The following OR13A1 variants were observed in gnomAD, a reference collection of about 807,000 sequenced individuals.
The protein encoded by OR13A1 is olfactory receptor family 13 subfamily A member 1, also known as olfactory receptor 13A1.
In OR13A1, 10 loss-of-function variants were observed where a neutral mutation model predicts 7.5. The observed-to-expected ratio is 1.34, with a 90% CI of 0.83 to 2.27. OR13A1 has a LOEUF of 2.27. Ranked by LOEUF, OR13A1 falls within the 30% of genes most tolerant of loss-of-function variation. The pLI is 0.00. For missense variants in OR13A1, 509 were observed against 419.1 expected (o/e 1.21, Z -1.87); for synonymous variants, 238 against 177.9 (o/e 1.34, Z -2.69).
At chr10:45,307,359 C>A (rs1838353135) in intron 3 of OR13A1, 67 bp downstream of exon 3, 1 of 152,216 alleles carries the variant, frequency 6.6e-6, no homozygotes, top group Admixed American at 6.5e-5. Context: ...TGAACAGGTG[C>A]TGAGCACAAG....
At position 45,303,199 on chromosome 10, in the gene OR13A1, G is replaced by A. The variant is rs1838242750; in HGVS notation, c.*237C>T. 1 of 506,926 alleles carries A rather than the reference G, an allele frequency of 2.0e-6. No individual in the cohort carries two copies. Among genetic ancestry groups the A allele is most frequent in the Non-Finnish European group, 3.5e-6 (1 of 288,540 alleles). The allele number at this position is 506,926 out of a possible 1,614,324, so 31.4% of individuals were successfully genotyped here. On this transcript the variant is annotated 3_prime_UTR_variant, in exon 4 of 4. Transcript: ENST00000553795. ...GGCCCTGTGTTTCTCTGCCAACTCA[G>A]CACTGACACCACCTTGGAGTCAGAC... is the stretch of plus-strand genomic sequence containing the variant.
intron 3 of OR13A1, 58 bp from the exon 4 acceptor site, chr10:45,304,492 C>T (rs1838288584): frequency 3.6e-6 from 5 of 1,390,420 alleles, no homozygotes; most frequent in South Asian, 1.3e-5. Flanking sequence ...TCTTCCACAC[C>T]TCACATCACT....
At position 45,304,386 on chromosome 10, in the gene OR13A1, C is replaced by T; in HGVS notation, c.37G>A (p.Glu13Lys). The change falls in exon 4 of 4, where the codon GAA becomes AAA. Residue 13 changes from glutamate (E) to lysine (K), a missense_variant. By Grantham distance (56) the Glu-to-Lys change is moderately conservative (BLOSUM62 1). Coordinates refer to ENST00000553795, the MANE Select transcript of OR13A1 (RefSeq NM_001004297.3). ...LWMESHLIVPETRPSPRMMSN... is the reference protein window; with the variant it reads ...LWMESHLIVPKTRPSPRMMSN... Reference sequence around the variant, plus strand: ...ATCATCCTTGGGCTGGGACGGGTTTCTGGGACTATCAGGTGACTCTCCATC... The same window carrying T: ...ATCATCCTTGGGCTGGGACGGGTTTTTGGGACTATCAGGTGACTCTCCATC... The T allele has an allele frequency of 1.9e-6, 3 of 1,613,860 alleles. No homozygotes were observed. Among genetic ancestry groups the T allele is most frequent in the Non-Finnish European group, 2.5e-6 (3 of 1,179,998 alleles).
intron 1 of OR13A1, among the ~76,000 whole-genome samples, chr10:45,311,968 T>A (rs1838455232): frequency 6.6e-6 from 1 of 152,084 alleles, no homozygotes; most frequent in Non-Finnish European, 1.5e-5. Flanking sequence ...AACTACAATG[T>A]CTGAAATTAA....
At chr10:45,305,290 T>C (rs1397333148) in intron 3 of OR13A1, among the ~76,000 whole-genome samples, 3 of 151,778 alleles carry the variant, frequency 2.0e-5, no homozygotes, top group Non-Finnish European at 1.5e-5. Context: ...TAAAATAATG[T>C]GTACAATAGG....
intron 1 of OR13A1, among the ~76,000 whole-genome samples, chr10:45,311,286 C>T (rs1205982156): frequency 1.3e-5 from 2 of 152,142 alleles, no homozygotes; most frequent in Non-Finnish European, 2.9e-5. Context: ...TTATCTTGGG[C>T]TTGCATCTTA....
At chr10:45,305,512 A>G (rs963613924) in intron 3 of OR13A1, among the ~76,000 whole-genome samples, 1 of 152,218 alleles carries the variant, frequency 6.6e-6, no homozygotes, top group Non-Finnish European at 1.5e-5. Context: ...TTTCTATAAA[A>G]TGACCTCTCT....
Position 45,303,913 on chromosome 10 carries a change from G to A in OR13A1, c.510C>T (p.Cys170=), listed in dbSNP as rs759911354. The A allele has an allele frequency of 9.9e-6, 16 of 1,613,432 alleles. No homozygotes were observed. Among genetic ancestry groups the A allele is most frequent in the African/African-American group, 5.3e-5 (4 of 74,952 alleles). The change falls in exon 4 of 4, where the codon TGC becomes TGT. Residue 170 remains cysteine (C), a synonymous_variant. Transcript: ENST00000553795. ...SGLATAVWLL[C]AVNTAIHTGL... ...CCGTGTGGATGGCCGTGTTGACGGCGCAGAGCAGCCACACGGCTGTGGCCA... is the reference window on the plus strand; with the variant it reads ...CCGTGTGGATGGCCGTGTTGACGGCACAGAGCAGCCACACGGCTGTGGCCA...
chr10:45,310,622 T>C (rs1838426373), intron 1 of OR13A1, among the ~76,000 whole-genome samples: 1 of 87,332 alleles, frequency 1.1e-5, no homozygotes, highest in South Asian at 2.9e-4. Context: ...AAAGGGAGAA[T>C]GGATTTTTGG....
rs1046549992 is a variant in OR13A1 at position 45,302,735 on chromosome 10, G to C, written c.*701C>G. 6.6e-6 allele frequency: 1 copy of C among 152,176 alleles called. No individual in the cohort carries two copies. Among genetic ancestry groups the C allele is most frequent in the African/African-American group, 2.4e-5 (1 of 41,432 alleles). 9.4% of individuals were successfully genotyped at this position (152,176 alleles called of 1,614,324 possible). ...TCACCCAGTTTTATCTGAAACAATGGAAGGATAGCAATGCCTTACTACAAT... is the reference window on the plus strand; with the variant it reads ...TCACCCAGTTTTATCTGAAACAATGCAAGGATAGCAATGCCTTACTACAAT... On this transcript the variant is annotated 3_prime_UTR_variant, in exon 4 of 4. Coordinates refer to ENST00000553795, the MANE Select transcript of OR13A1 (RefSeq NM_001004297.3).
At position 45,303,950 on chromosome 10, in the gene OR13A1, A is replaced by G. The variant is rs1235189216; in HGVS notation, c.473T>C (p.Phe158Ser). 3 of 1,613,810 alleles carry G rather than the reference A, an allele frequency of 1.9e-6. No homozygotes were observed. ...CACGGCTGTGGCCAGCCCGCTGCAG[A>G]ACACCTTGCTCATCATGCTGCTGTA... is the stretch of plus-strand genomic sequence containing the variant. The part of the protein sequence containing the change: ...LHYSSMMSKV[F>S]CSGLATAVWL... The change falls in exon 4 of 4, where the codon TTC becomes TCC. Residue 158 changes from phenylalanine to serine, a missense_variant. Physicochemically the swap from Phe to Ser is radical, Grantham distance 155. Coordinates refer to ENST00000553795, the MANE Select transcript of OR13A1 (RefSeq NM_001004297.3).
At chr10:45,313,908 G>C (rs1216530418) in intron 1 of OR13A1, among the ~76,000 whole-genome samples, 1 of 152,078 alleles carries the variant, frequency 6.6e-6, no homozygotes, top group African/African-American at 2.4e-5. Flanking sequence ...ACTATAAATA[G>C]TGCTAACAAA....
rs2133033737 is a variant in OR13A1 at position 45,303,617 on chromosome 10, T to C, written c.806A>G (p.Tyr269Cys). 6.2e-7 allele frequency: 1 copy of C among 1,614,058 alleles called. No homozygotes were observed. Among genetic ancestry groups the C allele is most frequent in the Non-Finnish European group, 8.5e-7 (1 of 1,180,018 alleles). The change falls in exon 4 of 4, where the codon TAT becomes TGT. Residue 269 changes from tyrosine to cysteine, a missense_variant. By Grantham distance (194) the Tyr-to-Cys change is radical. Coordinates refer to ENST00000553795, the MANE Select transcript of OR13A1 (RefSeq NM_001004297.3). The stretch of plus-strand genomic sequence containing the variant: ...GTAGGCGTAGAAGACAGCGGTGTAA[T>C]ACATGCACACCACGGTGAGGTGGGA... ...CSSHLTVVCM[Y>C]YTAVFYAYIS...
In OR13A1 at chr10:45,302,872, AAAC is replaced by A. The variant is rs1447017429; in HGVS notation, c.*561_*563del. On this transcript the variant is annotated 3_prime_UTR_variant, in exon 4 of 4. Coordinates refer to ENST00000553795, the MANE Select transcript of OR13A1 (RefSeq NM_001004297.3). ...TAGTAAGAAGAAAAGACAAAAGCAG[AAAC>A]AACAGTTTGCATTAAAATCAAACTA... The A allele has an allele frequency of 1.3e-5, 2 of 152,454 alleles. No individual in the cohort carries two copies. The highest frequency in any genetic ancestry group is 6.5e-5 in the Admixed American group (1 of 15,284). The allele number at this position is 152,454 out of a possible 1,614,324, so 9.4% of individuals were successfully genotyped here.
At position 45,303,785 on chromosome 10, in the gene OR13A1, T is replaced by C; in HGVS notation, c.638A>G (p.Asn213Ser). ...LLLSCSSTYV[N>S]GVMIVLADAF... ...ATCCGCCAGGACAATCATGACACCG[T>C]TGACGTAGGTGGAGCTGCAGGAGAG... is the stretch of plus-strand genomic sequence containing the variant. The change falls in exon 4 of 4, where the codon AAC (asparagine) becomes AGC (serine). Residue 213 changes from asparagine (N) to serine (S), a missense_variant. Coordinates refer to ENST00000553795, the MANE Select transcript of OR13A1 (RefSeq NM_001004297.3). The C allele has an allele frequency of 2.5e-6, 4 of 1,613,916 alleles. No homozygotes were observed. The highest frequency in any genetic ancestry group is 3.4e-6 in the Non-Finnish European group (4 of 1,180,030).
intron 1 of OR13A1, among the ~76,000 whole-genome samples, chr10:45,311,908 C>T (rs1224719668): frequency 2.0e-5 from 3 of 151,950 alleles, no homozygotes; most frequent in Non-Finnish European, 1.5e-5. Flanking sequence ...CTTAGCATAT[C>T]AAATAGAGAC....
chr10:45,303,665 TG>T lies in OR13A1; in HGVS notation c.757del (p.Gln253ArgfsTer26). On this transcript the variant is annotated frameshift_variant, in exon 4 of 4. Transcript: ENST00000553795. LOFTEE classifies it low-confidence loss of function (END_TRUNC). Reference sequence around the variant, plus strand: ...GGAAGAGCAGGTGGAGAAGGCTTTCTGCCTCCCCCAGGCAGTCTTCACCTTC... The same window carrying T: ...GGAAGAGCAGGTGGAGAAGGCTTTCTCCTCCCCCAGGCAGTCTTCACCTTC... Reference protein sequence around the residue: ...ILKVKTAWGRQKAFSTCSSHL... With the variant: ...ILKVKTAWGRXKAFSTCSSHL... 2.5e-6 allele frequency: 4 copies of T among 1,614,186 alleles called. No homozygotes were observed. The highest frequency in any genetic ancestry group is 3.4e-6 in the Non-Finnish European group (4 of 1,180,024).
chr10:45,303,686 A>T lies in OR13A1; in HGVS notation c.737T>A (p.Val246Glu), dbSNP rs746283748. ...TTTCTGCCTCCCCCAGGCAGTCTTC[A>T]CCTTCAGGATGCTGGAGACGATGAA... ...YGFIVSSILK[V>E]KTAWGRQKAF... The change falls in exon 4 of 4, where the codon GTG (valine) becomes GAG (glutamate). Residue 246 changes from valine to glutamate, a missense_variant. Transcript: ENST00000553795. 1 of 1,614,190 alleles carries T rather than the reference A, an allele frequency of 6.2e-7. No individual in the cohort carries two copies. The highest frequency in any genetic ancestry group is 8.5e-7 in the Non-Finnish European group (1 of 1,180,038).
At chr10:45,311,443 G>A (rs562479766) in intron 1 of OR13A1, among the ~76,000 whole-genome samples, 29 of 152,202 alleles carry the variant, frequency 1.9e-4, no homozygotes, top group Non-Finnish European at 3.2e-4. Flanking sequence ...AGCTAAGAAA[G>A]GCTTAGAGCA....
Sources: allele counts gnomAD v4.1 joint callset (sites outside exome capture counted in the v4.1 genomes callset), GRCh38; gene constraint gnomAD v4.1.1; transcripts MANE v1.5; gene names NCBI Gene and HGNC (gene_info 2026-07-23, HGNC 2026-07-21).